Variants in PRDX6 observed in about 807,000 individuals in gnomAD.
PRDX6 encodes the protein peroxiredoxin 6, also known as peroxiredoxin-6.
In PRDX6, 13 loss-of-function variants were observed where a neutral mutation model predicts 20.0. That is an observed-to-expected ratio of 0.65 (90% confidence interval 0.42 to 1.03). The LOEUF (loss-of-function observed/expected upper bound fraction) is 1.03, where lower values mean the gene tolerates loss of function less well. Ranked by LOEUF, PRDX6 falls within the 50% of genes least tolerant of loss-of-function variation. The pLI, the probability that PRDX6 is intolerant of heterozygous loss-of-function variation, is 0.00. For synonymous variants in PRDX6, 85 were observed against 100.8 expected, an observed-to-expected ratio of 0.84 and a Z score of 0.94; for missense variants, 203 against 276.9, an observed-to-expected ratio of 0.73 and a Z score of 1.89.
intron 2 of PRDX6, among the ~76,000 whole-genome samples, chr1:173,484,171 T>G (rs1433559202): frequency 7.9e-6 from 1 of 127,074 alleles, no homozygotes; most frequent in South Asian, 2.2e-4. Flanking sequence ...TATATATTTA[T>G]ATATATACAC....
At chr1:173,479,159 T>C (rs569244434) in intron 1 of PRDX6, among the ~76,000 whole-genome samples, 54 of 152,332 alleles carry the variant, frequency 3.5e-4, no homozygotes, top group African/African-American at 1.2e-3. Context: ...AACCATACTT[T>C]TTTGGGGTTT....
In PRDX6 at chr1:173,487,846, T is replaced by C; in HGVS notation, c.658T>C (p.Tyr220His). Residue 220 changes from tyrosine (Y) to histidine (H), a missense_variant, in exon 5 of 5, where the codon TAC (tyrosine) becomes CAC (histidine). Coordinates refer to ENST00000340385, the MANE Select transcript of PRDX6 (RefSeq NM_004905.3). Reference protein sequence around the residue: ...ELPSGKKYLRYTPQP With the variant: ...ELPSGKKYLRHTPQP ...CCCATCTGGCAAGAAATACCTCCGC[T>C]ACACACCCCAGCCTTAAGTCTCTTG... 6.2e-7 allele frequency: 1 copy of C among 1,612,942 alleles called. No homozygotes were observed. Among genetic ancestry groups the C allele is most frequent in the East Asian group, 2.2e-5 (1 of 44,878 alleles).
chr1:173,488,212 C>A lies in PRDX6; in HGVS notation c.*349C>A. On this transcript the variant is annotated 3_prime_UTR_variant, in exon 5 of 5. Coordinates refer to ENST00000340385, the MANE Select transcript of PRDX6 (RefSeq NM_004905.3). ...CTTCACTCCATCAGAGAATGACTAT[C>A]AATTTTTTTTTAACTGTCCTATCAC... 1 of 185,100 alleles carries A rather than the reference C, an allele frequency of 5.4e-6. No homozygotes were observed. The highest frequency in any genetic ancestry group is 1.1e-5 in the Non-Finnish European group (1 of 89,316). The allele number at this position is 185,100 out of a possible 1,614,324, so 11.5% of individuals were successfully genotyped here.
rs530346387 is a variant in PRDX6 at position 173,477,480 on chromosome 1, T to C, written c.83T>C (p.Phe28Ser). ...TTVGRIRFHD[F>S]LGDSWGILFS... ...GTCGGCCGCATCCGTTTCCACGACT[T>C]TCTGGGAGACTCGTAAGTGGCCACC... The change falls in exon 1 of 5, where the codon TTT becomes TCT. Residue 28 changes from phenylalanine to serine, a missense_variant. By Grantham distance (155) the Phe-to-Ser change is radical. Transcript: ENST00000340385. The C allele has an allele frequency of 6.2e-7, 1 of 1,604,000 alleles. No individual in the cohort carries two copies. The highest frequency in any genetic ancestry group is 1.7e-5 in the Admixed American group (1 of 59,134).
chr1:173,487,478 CAGAATT>C (rs1311161256), intron 4 of PRDX6, among the ~76,000 whole-genome samples: 1 of 152,164 alleles, frequency 6.6e-6, no homozygotes, highest in Non-Finnish European at 1.5e-5. Context: ...CCATGATACT[CAGAATT>C]AAATGTAAAG....
chr1:173,485,855 T>G (rs1658886944), intron 3 of PRDX6, among the ~76,000 whole-genome samples: 1 of 152,216 alleles, frequency 6.6e-6, no homozygotes, highest in South Asian at 2.1e-4. Context: ...TTTTAAATTT[T>G]TATTTGTTCT....
At chr1:173,479,257 A>G (rs35679908) in intron 1 of PRDX6, among the ~76,000 whole-genome samples, 2,161 of 152,300 alleles carry the variant, frequency 0.014, 59 homozygotes, top group African/African-American at 0.05. Context: ...CACGGTAGAA[A>G]TATCTGCATT....
intron 1 of PRDX6, among the ~76,000 whole-genome samples, chr1:173,478,861 A>C (rs1220375258): frequency 1.3e-5 from 2 of 152,216 alleles, no homozygotes; most frequent in African/African-American, 4.8e-5. Flanking sequence ...AGATAGGACT[A>C]GGCCAGAAAA....
chr1:173,487,797 G>T lies in PRDX6; in HGVS notation c.609G>T (p.Pro203=). 2 of 1,614,036 alleles carry T rather than the reference G, an allele frequency of 1.2e-6. No individual in the cohort carries two copies. The highest frequency in any genetic ancestry group is 1.3e-5 in the African/African-American group (1 of 75,024). The change falls in exon 5 of 5, where the codon CCG becomes CCT. Residue 203 remains proline (P), a synonymous_variant. Coordinates refer to ENST00000340385, the MANE Select transcript of PRDX6 (RefSeq NM_004905.3). Reference sequence around the variant, plus strand: ...AAGAAGAAGCCAAAAAACTTTTCCCGAAAGGAGTCTTCACCAAAGAGCTCC... The same window carrying T: ...AAGAAGAAGCCAAAAAACTTTTCCCTAAAGGAGTCTTCACCAAAGAGCTCC... ...IPEEEAKKLF[P]KGVFTKELPS...
At chr1:173,481,523 G>A (rs748215984) in intron 2 of PRDX6, 41 bp downstream of exon 2, 9 of 1,589,018 alleles carry the variant, frequency 5.7e-6, no homozygotes, top group Non-Finnish European at 7.8e-6. Context: ...TGAGATTATA[G>A]GTCAAGTTAT....
rs1192016300 is a variant in PRDX6 at position 173,485,418 on chromosome 1, G to A, written c.310G>A (p.Asp104Asn). The A allele has an allele frequency of 7.5e-6, 12 of 1,610,054 alleles. No individual in the cohort carries two copies. Among genetic ancestry groups the A allele is most frequent in the Non-Finnish European group, 1.0e-5 (12 of 1,178,028 alleles). Reference protein sequence around the residue: ...PTEKLPFPIIDDRNRELAILL... With the variant: ...PTEKLPFPIINDRNRELAILL... ...AGAAAAGTTACCTTTTCCCATCATCGATGATAGGAATCGGGAGCTTGCCAT... is the reference window on the plus strand; with the variant it reads ...AGAAAAGTTACCTTTTCCCATCATCAATGATAGGAATCGGGAGCTTGCCAT... Residue 104 changes from aspartate (D) to asparagine (N), a missense_variant, in exon 3 of 5, where the codon GAT becomes AAT. Transcript: ENST00000340385.
intron 3 of PRDX6, 123 bp downstream of exon 3, chr1:173,485,630 C>A: frequency 1.1e-6 from 1 of 915,636 alleles, no homozygotes; most frequent in Non-Finnish European, 1.5e-6. Flanking sequence ...TGTGTATTGG[C>A]GACAATATCA....
chr1:173,487,047 C>T (rs1378820343), intron 4 of PRDX6, among the ~76,000 whole-genome samples: 1 of 152,058 alleles, frequency 6.6e-6, no homozygotes, highest in African/African-American at 2.4e-5. Flanking sequence ...TAGTAGTGAA[C>T]TGGGGAGATA....
At chr1:173,477,550 C>T (rs1347089413) in intron 1 of PRDX6, 58 bp downstream of exon 1, 3 of 1,395,920 alleles carry the variant, frequency 2.1e-6, no homozygotes, top group Non-Finnish European at 3.0e-6. Context: ...TCGGAGGTGC[C>T]TTCCCTGTTT....
chr1:173,485,443 T>C lies in PRDX6; in HGVS notation c.335T>C (p.Ile112Thr), dbSNP rs747073938. ...IIDDRNRELA[I>T]LLGMLDPAEK... The stretch of plus-strand genomic sequence containing the variant: ...GATGATAGGAATCGGGAGCTTGCCA[T>C]CCTGTTGGGCATGCTGGATCCAGCA... Residue 112 changes from isoleucine to threonine, a missense_variant, in exon 3 of 5, where the codon ATC (isoleucine) becomes ACC (threonine). Transcript: ENST00000340385. 2 of 1,611,166 alleles carry C rather than the reference T, an allele frequency of 1.2e-6. No homozygotes were observed. Among genetic ancestry groups the C allele is most frequent in the East Asian group, 4.5e-5 (2 of 44,738 alleles).
chr1:173,481,288 T>A, intron 1 of PRDX6, 38 bp from the exon 2 acceptor site: 1 of 1,586,024 alleles, frequency 6.3e-7, no homozygotes, highest in East Asian at 2.2e-5. Context: ...TGGTGATAAC[T>A]CTTAATTCAA....
intron 4 of PRDX6, among the ~76,000 whole-genome samples, chr1:173,487,277 C>T (rs997460880): frequency 6.6e-6 from 1 of 152,154 alleles, no homozygotes; most frequent in Non-Finnish European, 1.5e-5. Context: ...GTGACCAAGG[C>T]ATGTATACTT....
intron 1 of PRDX6, among the ~76,000 whole-genome samples, chr1:173,477,859 G>A (rs1458158185): frequency 6.6e-6 from 1 of 152,250 alleles, no homozygotes; most frequent in African/African-American, 2.4e-5. Context: ...ACTCGTCTTA[G>A]TAAACTGTGC....
intron 2 of PRDX6, among the ~76,000 whole-genome samples, chr1:173,483,633 CA>C (rs926503469): frequency 2.6e-5 from 4 of 152,132 alleles, no homozygotes; most frequent in Admixed American, 6.6e-5. Flanking sequence ...TTGAGAAATC[CA>C]CAATGGTTTT....
Sources: allele counts gnomAD v4.1 joint callset (sites outside exome capture counted in the v4.1 genomes callset), GRCh38; gene constraint gnomAD v4.1.1; transcripts MANE v1.5; gene names NCBI Gene and HGNC (gene_info 2026-07-23, HGNC 2026-07-21).